The following CD83 variants were observed in gnomAD, a reference collection of about 807,000 sequenced individuals.
CD83 encodes CD83 antigen.
A neutral mutation model predicts 24.6 loss-of-function variants in CD83; 22 were observed. The ratio of observed to expected loss-of-function variants is 0.90; its 90% confidence interval spans 0.64 to 1.28. The LOEUF is 1.28. Ranked by LOEUF, CD83 falls within the 50% of genes most tolerant of loss-of-function variation. CD83 has a pLI of 0.00. For synonymous variants in CD83, 101 were observed against 103.5 expected (o/e 0.98, Z 0.14); for missense variants, 253 against 252.8 (o/e 1.00, Z -0.01).
At chr6:14,119,491 A>T (rs887665336) in intron 2 of CD83, among the ~76,000 whole-genome samples, 3 of 152,202 alleles carry the variant, frequency 2.0e-5, no homozygotes, top group Non-Finnish European at 4.4e-5. Flanking sequence ...GGACTTAGGG[A>T]TTAGTACTGT....
At chr6:14,128,607 A>C (rs1759877544) in intron 2 of CD83, among the ~76,000 whole-genome samples, 1 of 152,174 alleles carries the variant, frequency 6.6e-6, no homozygotes, top group East Asian at 1.9e-4. Context: ...TCTCTGGGTC[A>C]TTTAGGAAAA....
rs1340488743 is a variant in CD83 at position 14,129,937 on chromosome 6, C to A, written c.154-1583C>A. On this transcript the variant is annotated intron_variant, in intron 2 of 4. Coordinates refer to ENST00000379153, the MANE Select transcript of CD83 (RefSeq NM_004233.4). This position sits in a 1 kb window ranked among gnomAD's most constrained non-coding sequence, Gnocchi z 4.3. ...GCTTCTCAGAGTATTCCCCTAACTC[C>A]TTGGTTATCTCTTTCCCTACACTGA... Among the ~76,000 whole-genome samples, 5 of 148,426 alleles carry A rather than the reference C, an allele frequency of 3.4e-5. No homozygotes were observed. The highest frequency in any genetic ancestry group is 6.0e-5 in the Non-Finnish European group (4 of 66,810).
At chr6:14,127,105 C>T (rs1759836247) in intron 2 of CD83, among the ~76,000 whole-genome samples, 2 of 152,216 alleles carry the variant, frequency 1.3e-5, no homozygotes, top group East Asian at 1.9e-4. Context: ...TCTCCTGCCT[C>T]AGCCTCCCAA....
At chr6:14,126,156 T>C (rs1759805509) in intron 2 of CD83, among the ~76,000 whole-genome samples, 1 of 152,242 alleles carries the variant, frequency 6.6e-6, no homozygotes, top group Admixed American at 6.5e-5. Flanking sequence ...GACCTTTGAT[T>C]CCAAAGCTAG....
At chr6:14,131,392 C>A in intron 2 of CD83, 128 bp from the exon 3 acceptor site, 1 of 684,594 alleles carries the variant, frequency 1.5e-6, no homozygotes. Flanking sequence ...CACACACACA[C>A]AAAAGCATCA....
chr6:14,127,237 G>C (rs1261909441), intron 2 of CD83, among the ~76,000 whole-genome samples: 2 of 152,080 alleles, frequency 1.3e-5, no homozygotes, highest in Non-Finnish European at 2.9e-5. Context: ...TGATCCACCT[G>C]CCTCAGCCTC....
intron 2 of CD83, among the ~76,000 whole-genome samples, chr6:14,121,227 T>A (rs1418984355): frequency 6.6e-6 from 1 of 152,038 alleles, no homozygotes; most frequent in East Asian, 1.9e-4. Flanking sequence ...TGGAGTACAG[T>A]GGCATGAAGA....
chr6:14,131,616 GCCC>G lies in CD83; in HGVS notation c.253_255del (p.Pro85del). The G allele has an allele frequency of 6.2e-7, 1 of 1,614,054 alleles. No individual in the cohort carries two copies. Among genetic ancestry groups the G allele is most frequent in the Non-Finnish European group, 8.5e-7 (1 of 1,179,988 alleles). On this transcript the variant is annotated inframe_deletion, in exon 3 of 5. Coordinates refer to ENST00000379153, the MANE Select transcript of CD83 (RefSeq NM_004233.4). Reference sequence around the variant, plus strand: ...GAAGGGGCAAAATGGTTCTTTCGACGCCCCCAATGAAAGGCCCTATTCCCTGAA... The same window carrying G: ...GAAGGGGCAAAATGGTTCTTTCGACGCCAATGAAAGGCCCTATTCCCTGAA...
chr6:14,132,922 T>C (rs936903777), intron 3 of CD83, among the ~76,000 whole-genome samples: 1 of 152,228 alleles, frequency 6.6e-6, no homozygotes, highest in Non-Finnish European at 1.5e-5. Context: ...AAACAGCACA[T>C]TGGGTGTTGC....
rs1315457982 is a variant in CD83, at chr6:14,129,184, G to GA, written c.154-2332dup. 6.6e-6 allele frequency among the ~76,000 whole-genome samples: 1 copy of GA among 152,188 alleles called. No individual in the cohort carries two copies. Among genetic ancestry groups the GA allele is most frequent in the African/African-American group, 2.4e-5 (1 of 41,450 alleles). On this transcript the variant is annotated intron_variant, in intron 2 of 4. Coordinates refer to ENST00000379153, the MANE Select transcript of CD83 (RefSeq NM_004233.4). This position sits in a 1 kb window ranked among gnomAD's most constrained non-coding sequence, Gnocchi z 4.3. ...GCATTTGGAGGTTAATTTAGAAAAA[G>GA]AAAAGCAAGATTGGACATCGGAATG...
chr6:14,131,619 C>T lies in CD83; in HGVS notation c.253C>T (p.Pro85Ser), dbSNP rs1169477422. 2 of 1,613,976 alleles carry T rather than the reference C, an allele frequency of 1.2e-6. No individual in the cohort carries two copies. The highest frequency in any genetic ancestry group is 1.3e-5 in the African/African-American group (1 of 74,870). Residue 85 changes from proline to serine, a missense_variant, in exon 3 of 5, where the codon CCC (proline) becomes TCC (serine). Transcript: ENST00000379153. ...QKGQNGSFDA[P>S]NERPYSLKIR... Reference sequence around the variant, plus strand: ...GGGGCAAAATGGTTCTTTCGACGCCCCCAATGAAAGGCCCTATTCCCTGAA... The same window carrying T: ...GGGGCAAAATGGTTCTTTCGACGCCTCCAATGAAAGGCCCTATTCCCTGAA...
intron 4 of CD83, among the ~76,000 whole-genome samples, chr6:14,134,452 C>T (rs1349252626): frequency 6.6e-6 from 1 of 152,152 alleles, no homozygotes; most frequent in Non-Finnish European, 1.5e-5. Flanking sequence ...GTGTCTGACC[C>T]CTCTAGGAAG....
intron 3 of CD83, among the ~76,000 whole-genome samples, chr6:14,133,039 G>A (rs971807646): frequency 1.4e-4 from 22 of 152,214 alleles, no homozygotes; most frequent in African/African-American, 5.3e-4. Context: ...AGCCCTGAGG[G>A]AGTTGTTCTT....
At chr6:14,135,003 A>C (rs1758013492) in intron 4 of CD83, 105 bp from the exon 5 acceptor site, 2 of 1,142,166 alleles carry the variant, frequency 1.8e-6, no homozygotes, top group East Asian at 4.7e-5. Context: ...GAGAGCTTCC[A>C]GAATGGGTTG....
intron 4 of CD83, among the ~76,000 whole-genome samples, chr6:14,134,697 A>G (rs1263526568): frequency 6.6e-6 from 1 of 152,258 alleles, no homozygotes; most frequent in African/African-American, 2.4e-5. Context: ...GGCACTGTAC[A>G]GGGCATAAAA....
rs919595884 is a variant in CD83 at position 14,129,558 on chromosome 6, A to G, written c.154-1962A>G. On this transcript the variant is annotated intron_variant, in intron 2 of 4. Coordinates refer to ENST00000379153, the MANE Select transcript of CD83 (RefSeq NM_004233.4). The surrounding 1 kb of genome is among the most constrained non-coding windows in gnomAD (Gnocchi z 4.3). The stretch of plus-strand genomic sequence containing the variant: ...GGCCCCAGTCTTTTAGCTTCCTCCC[A>G]TAGATTCTTGATTATTTAGGAAGGA... Among the ~76,000 whole-genome samples, 1 of 152,128 alleles carries G rather than the reference A, an allele frequency of 6.6e-6. No homozygotes were observed. The highest frequency in any genetic ancestry group is 2.4e-5 in the African/African-American group (1 of 41,412).
At chr6:14,130,584 G>A (rs1262439319) in intron 2 of CD83, among the ~76,000 whole-genome samples, 1 of 152,144 alleles carries the variant, frequency 6.6e-6, no homozygotes, top group Non-Finnish European at 1.5e-5. Flanking sequence ...ATAAAAATTA[G>A]CCAGGTGTGG....
At chr6:14,120,661 GCATAT>G (rs1320535223) in intron 2 of CD83, among the ~76,000 whole-genome samples, 1 of 152,198 alleles carries the variant, frequency 6.6e-6, no homozygotes, top group Non-Finnish European at 1.5e-5. Flanking sequence ...CAGGCTGTCT[GCATAT>G]CATAAGTATG....
At chr6:14,123,100 G>A (rs974017767) in intron 2 of CD83, among the ~76,000 whole-genome samples, 1 of 141,812 alleles carries the variant, frequency 7.1e-6, no homozygotes, top group African/African-American at 2.6e-5. Context: ...GTTTGTTTTT[G>A]TTTTTTTTTT....
Sources: allele counts gnomAD v4.1 joint callset (sites outside exome capture counted in the v4.1 genomes callset), GRCh38; gene constraint gnomAD v4.1.1; non-coding constraint Gnocchi (gnomAD v3.1); transcripts MANE v1.5; gene names NCBI Gene and HGNC (gene_info 2026-07-23, HGNC 2026-07-21).